The following PWWP2A variants were observed in gnomAD, a reference collection of about 807,000 sequenced individuals.
PWWP2A encodes the protein PWWP domain containing 2A, also known as PWWP domain-containing protein 2A.
In PWWP2A, 18 loss-of-function variants were observed where a neutral mutation model predicts 48.5. The ratio of observed to expected loss-of-function variants is 0.37; its 90% CI spans 0.26 to 0.55. PWWP2A has a LOEUF of 0.55. PWWP2A is among the 20% of genes least tolerant of loss of function. The probability of loss-of-function intolerance (pLI) is 0.81; values close to 1 mark genes in which losing one functional copy is unlikely to be tolerated. For synonymous variants in PWWP2A, 396 were observed against 387.7 expected (o/e 1.02, Z -0.25); for missense variants, 867 against 976.4 (o/e 0.89, Z 1.49).
At chr5:160,094,408 C>T (rs1755403159) in intron 1 of PWWP2A, among the ~76,000 whole-genome samples, 1 of 152,218 alleles carries the variant, frequency 6.6e-6, no homozygotes, top group East Asian at 1.9e-4. Context: ...CCATATACAA[C>T]ATTTTCAGTA....
rs571477886 is a variant in PWWP2A at position 160,117,456 on chromosome 5, A to G, written c.584+1349T>C. On this transcript the variant is annotated intron_variant, in intron 1 of 1. Transcript: ENST00000307063. ...GATAACCTGAGGTCAGGATTTCAAG[A>G]CCAGCCTGGCCAACATGGTGAAATC... Among the ~76,000 whole-genome samples the G allele has an allele frequency of 4.6e-5, 7 of 152,310 alleles. No homozygotes were observed. In the South Asian group the frequency reaches 1.4e-3, roughly 32 times the overall value.
downstream of PWWP2A, among the ~76,000 whole-genome samples, chr5:160,087,668 T>G (rs1008617386): frequency 6.6e-6 from 1 of 152,232 alleles, no homozygotes; most frequent in East Asian, 1.9e-4. Context: ...GCCACAGAAC[T>G]GTATAATTAA....
At chr5:160,117,955 T>G in intron 1 of PWWP2A, 13 of 759,554 alleles carry the variant, frequency 1.7e-5, no homozygotes, top group Non-Finnish European at 2.1e-5. Context: ...AAAGGTTAAC[T>G]CCAGACTTAG....
At chr5:160,082,564 A>G (rs1280690137) in intron 2 of PWWP2A, among the ~76,000 whole-genome samples, 1 of 152,222 alleles carries the variant, frequency 6.6e-6, no homozygotes, top group Non-Finnish European at 1.5e-5. Flanking sequence ...GTCAAGATGT[A>G]TCAAAGAATG....
chr5:160,080,845 A>C (rs1260618581), intron 2 of PWWP2A: 1 of 1,383,964 alleles, frequency 7.2e-7, no homozygotes, highest in African/African-American at 1.5e-5. Flanking sequence ...CCAAAAAAAT[A>C]GTTTTAAAAT....
intron 2 of PWWP2A, among the ~76,000 whole-genome samples, chr5:160,086,246 A>C (rs1754627190): frequency 6.6e-6 from 1 of 152,334 alleles, no homozygotes; most frequent in Admixed American, 6.5e-5. Context: ...AGCTGGGCAC[A>C]GTGGCTCATA....
At chr5:160,110,523 A>G (rs1269267637) in intron 1 of PWWP2A, among the ~76,000 whole-genome samples, 1 of 151,886 alleles carries the variant, frequency 6.6e-6, no homozygotes, top group Non-Finnish European at 1.5e-5. Flanking sequence ...CCTGACCTAC[A>G]TGGAGAAACC....
chr5:160,105,327 T>A lies in PWWP2A; in HGVS notation c.585-11262A>T, dbSNP rs139699165. On this transcript the variant is annotated intron_variant, in intron 1 of 1. Coordinates refer to ENST00000307063, the MANE Select transcript of PWWP2A (RefSeq NM_001130864.2). Reference sequence around the variant, plus strand: ...ATTTTGGGAGGCTGAGGAGAGTGGATCACAAGGTCAGGAGATGGAGACCAT... The same window carrying A: ...ATTTTGGGAGGCTGAGGAGAGTGGAACACAAGGTCAGGAGATGGAGACCAT... 9.5e-3 allele frequency among the ~76,000 whole-genome samples: 1,372 copies of A among 143,796 alleles called. 15 individuals carry two copies. Among genetic ancestry groups the A allele is most frequent in the African/African-American group, 0.033 (1,281 of 38,370 alleles). 94.3% of individuals were successfully genotyped at this position (143,796 alleles called of 152,430 possible). A position where few individuals can be genotyped will look rare whatever the true frequency, so the allele number is the denominator to read the frequency against.
At chr5:160,098,237 G>A (rs1018654840) in intron 1 of PWWP2A, among the ~76,000 whole-genome samples, 2 of 152,100 alleles carry the variant, frequency 1.3e-5, no homozygotes, top group Non-Finnish European at 2.9e-5. Context: ...AATGCTTTTA[G>A]TAACATAGGG....
chr5:160,057,996 AAC>A (rs1371622440), downstream of PWWP2A, among the ~76,000 whole-genome samples: 6 of 152,186 alleles, frequency 3.9e-5, no homozygotes, highest in African/African-American at 1.4e-4. The surrounding 1 kb of genome is among the most constrained non-coding windows in gnomAD (Gnocchi z 4.4). Context: ...CGAACTCCTG[AAC>A]TCAGGTGATT....
rs375101577 is a variant in PWWP2A at position 160,064,053 on chromosome 5, C to T, written c.*237-380G>A. ...GCGCAATCTCAGCTCACTGCAACCT[C>T]TGCCTCCCAGGTGCAAACGATTGTC... On this transcript the variant is annotated intron_variant and NMD_transcript_variant, in intron 4 of 5. Coordinates refer to the PWWP2A transcript ENST00000524050. Among the ~76,000 whole-genome samples, 8 of 151,340 alleles carry T rather than the reference C, an allele frequency of 5.3e-5. No individual in the cohort carries two copies. The East Asian group carries it at 7.9e-4, about 15-fold the overall frequency.
chr5:160,109,767 AAAAAAAAATATATATATAT>A (rs1184370152), intron 1 of PWWP2A, among the ~76,000 whole-genome samples: 2 of 72,748 alleles, frequency 2.7e-5, no homozygotes, highest in Admixed American at 2.0e-4. Context: ...GAAAAAAAAA[AAAAAAAAATATATATATAT>A]ATATATATAT....
At chr5:160,048,964 C>A in the PWWP2A span, among the ~76,000 whole-genome samples, 2 of 150,984 alleles carry the variant, frequency 1.3e-5, no homozygotes, top group African/African-American at 4.9e-5. Context: ...AAAAAAAATT[C>A]TCTCTCACTC....
At position 160,092,291 on chromosome 5, in the gene PWWP2A, T is replaced by C; in HGVS notation, c.*91A>G. On this transcript the variant is annotated 3_prime_UTR_variant, in exon 2 of 2. Coordinates refer to ENST00000307063, the MANE Select transcript of PWWP2A (RefSeq NM_001130864.2). ...AACTGAGTGCAACTTCTCTCTCCAA[T>C]CTGGCCACGCTATTTTGTAGAAATT... The C allele has an allele frequency of 6.9e-7, 1 of 1,441,734 alleles. No individual in the cohort carries two copies. The highest frequency in any genetic ancestry group is 2.5e-5 in the East Asian group (1 of 40,070). The allele number at this position is 1,441,734 out of a possible 1,614,324, so 89.3% of individuals were successfully genotyped here. A position where few individuals can be genotyped will look rare whatever the true frequency, so the allele number is the denominator to read the frequency against.
In PWWP2A at chr5:160,119,101, G is replaced by C; in HGVS notation, c.288C>G (p.Ser96=). The C allele has an allele frequency of 5.7e-6, 9 of 1,588,522 alleles. No homozygotes were observed. The highest frequency in any genetic ancestry group is 7.7e-6 in the Non-Finnish European group (9 of 1,176,190). The change falls in exon 1 of 2, where the codon TCC becomes TCG. Residue 96 remains serine, a synonymous_variant. Transcript: ENST00000307063. Reference sequence around the variant, plus strand: ...CTGCCGCCGACTCCGCCACCCGAACGGACAGTTTCTCCTCAGCCTCCAGCT... The same window carrying C: ...CTGCCGCCGACTCCGCCACCCGAACCGACAGTTTCTCCTCAGCCTCCAGCT... The part of the protein sequence containing the change: ...GPELEAEEKL[S]VRVAESAAAA...
At chr5:160,099,925 C>T (rs113431646) in intron 1 of PWWP2A, among the ~76,000 whole-genome samples, 37 of 152,088 alleles carry the variant, frequency 2.4e-4, no homozygotes, top group Middle Eastern at 3.4e-3. Context: ...CTTGGCCTCC[C>T]AAAGTATTAG....
At chr5:160,114,194 A>G (rs1757866172) in intron 1 of PWWP2A, among the ~76,000 whole-genome samples, 1 of 152,210 alleles carries the variant, frequency 6.6e-6, no homozygotes, top group South Asian at 2.1e-4. Flanking sequence ...CACACCTGTA[A>G]TCCCAACACT....
In PWWP2A at chr5:160,109,774, AATATATATAT is replaced by A. The variant is rs1223846862; in HGVS notation, c.584+9021_584+9030del. On this transcript the variant is annotated intron_variant, in intron 1 of 1. Transcript: ENST00000307063. ...GCAACTGGGAAAAAAAAAAAAAAAAAATATATATATATATATATATATATATATATATATA... is the reference window on the plus strand; with the variant it reads ...GCAACTGGGAAAAAAAAAAAAAAAAAATATATATATATATATATATATATA... Among the ~76,000 whole-genome samples, 55 of 25,218 alleles carry A rather than the reference AATATATATAT, an allele frequency of 2.2e-3. 1 individual carries two copies. The highest frequency in any genetic ancestry group is 0.043 in the Middle Eastern group (2 of 46). 16.5% of individuals were successfully genotyped at this position (25,218 alleles called of 152,430 possible).
chr5:160,065,706 CATTCTACCATGT>C, intron 4 of PWWP2A, among the ~76,000 whole-genome samples: 1 of 152,300 alleles, frequency 6.6e-6, no homozygotes, highest in South Asian at 2.1e-4. Flanking sequence ...AAGAGTTGAC[CATTCTACCATGT>C]ACTAGAATTC....
Sources: allele counts gnomAD v4.1 joint callset (sites outside exome capture counted in the v4.1 genomes callset), GRCh38; gene constraint gnomAD v4.1.1; non-coding constraint Gnocchi (gnomAD v3.1); transcripts MANE v1.5; gene names NCBI Gene and HGNC (gene_info 2026-07-23, HGNC 2026-07-21).